SYNE2: variants seen among roughly 807,000 people sequenced by gnomAD.
SYNE2 encodes spectrin repeat containing nuclear envelope protein 2, also known as nesprin-2.
SYNE2 carries 431 observed loss-of-function variants against 856.3 expected under a neutral mutation model. The observed-to-expected ratio is 0.50, with a 90% CI of 0.47 to 0.55. The LOEUF (loss-of-function observed/expected upper bound fraction) is 0.55, where lower values mean the gene tolerates loss of function less well. Ranked by LOEUF, SYNE2 falls within the 20% of genes least tolerant of loss-of-function variation. The probability of loss-of-function intolerance (pLI) is 0.00; values close to 1 mark genes in which losing one functional copy is unlikely to be tolerated. For synonymous variants in SYNE2, 2,923 were observed against 2,872.3 expected (o/e 1.02, Z -0.56); for missense variants, 8,129 against 8,023.2 (o/e 1.01, Z -0.50).
chr14:63,974,817 TATAC>T (rs1384812526), intron 11 of SYNE2, among the ~76,000 whole-genome samples: 17 of 145,612 alleles, frequency 1.2e-4, no homozygotes, highest in East Asian at 4.0e-4. Context: ...TATATATGTA[TATAC>T]ATATGTATAT....
At chr14:64,055,813 A>T (rs1407950103) in intron 48 of SYNE2, 131 bp from the exon 49 acceptor site, 2 of 596,552 alleles carry the variant, frequency 3.4e-6, no homozygotes, top group African/African-American at 4.5e-5. Flanking sequence ...CATGTACCCT[A>T]AAACTTAAAG....
chr14:64,170,518 T>C (rs1248843444), intron 94 of SYNE2, 56 bp downstream of exon 94: 1 of 1,496,600 alleles, frequency 6.7e-7, no homozygotes, highest in African/African-American at 1.4e-5. Flanking sequence ...GTTTGCAAGA[T>C]GTTCATTCAC....
intron 2 of SYNE2, among the ~76,000 whole-genome samples, chr14:63,926,281 T>C (rs2095664987): frequency 6.8e-6 from 1 of 147,480 alleles, no homozygotes; most frequent in Non-Finnish European, 1.5e-5. Context: ...TTTCTGTCTC[T>C]ACGAATTTCC....
chr14:64,113,327 T>G lies in SYNE2; in HGVS notation c.12610-14T>G. The G allele has an allele frequency of 6.2e-7, 1 of 1,613,438 alleles. No homozygotes were observed. Among genetic ancestry groups the G allele is most frequent in the Non-Finnish European group, 8.5e-7 (1 of 1,180,018 alleles). ...AACTTTGGACTCCCTGGCTTATCTTTGGATTTCTCTTAGGGCACCACACCT... is the reference window on the plus strand; with the variant it reads ...AACTTTGGACTCCCTGGCTTATCTTGGGATTTCTCTTAGGGCACCACACCT... On this transcript the variant is annotated splice_polypyrimidine_tract_variant and intron_variant, in intron 65 of 115. Coordinates refer to ENST00000555002, the MANE Select transcript of SYNE2 (RefSeq NM_182914.3).
chr14:63,820,410 T>C (rs937440423), intron 1 of SYNE2, among the ~76,000 whole-genome samples: 6 of 152,126 alleles, frequency 3.9e-5, no homozygotes, highest in African/African-American at 1.4e-4. Flanking sequence ...TAATTAAGAA[T>C]GGATCAGAGA....
At chr14:64,182,679 C>T (rs1461717093) in intron 96 of SYNE2, among the ~76,000 whole-genome samples, 2 of 152,184 alleles carry the variant, frequency 1.3e-5, no homozygotes, top group African/African-American at 4.8e-5. Flanking sequence ...GGACACAGCA[C>T]ATGTTTCAGA....
chr14:64,169,427 T>C (rs2098399549), intron 93 of SYNE2, among the ~76,000 whole-genome samples: 1 of 152,262 alleles, frequency 6.6e-6, no homozygotes, highest in Non-Finnish European at 1.5e-5. Context: ...TATGTGGGCT[T>C]AGGGTCACTG....
At chr14:63,778,815 C>CAA (rs768300224) in intron 1 of SYNE2, among the ~76,000 whole-genome samples, 13 of 151,982 alleles carry the variant, frequency 8.6e-5, no homozygotes, top group Non-Finnish European at 1.3e-4. Context: ...GCACCTGGCC[C>CAA]ATTATTATTT....
At chr14:64,149,612 C>T (rs1421682712) in intron 84 of SYNE2, among the ~76,000 whole-genome samples, 1 of 152,112 alleles carries the variant, frequency 6.6e-6, no homozygotes, top group Non-Finnish European at 1.5e-5. Context: ...AGTTTGATGC[C>T]TCTATACTAT....
chr14:64,037,088 C>T (rs1055803495), intron 45 of SYNE2, among the ~76,000 whole-genome samples: 2 of 151,288 alleles, frequency 1.3e-5, no homozygotes, highest in Admixed American at 6.6e-5. Flanking sequence ...TAACAGAGCT[C>T]AGGGCTGGGT....
intron 70 of SYNE2, among the ~76,000 whole-genome samples, chr14:64,123,069 A>G (rs1409766970): frequency 6.6e-6 from 1 of 151,838 alleles, no homozygotes; most frequent in African/African-American, 2.4e-5. Context: ...ATTGCACTCC[A>G]GCCAGGGCAA....
At chr14:64,012,631 A>G (rs2096855518) in intron 32 of SYNE2, among the ~76,000 whole-genome samples, 1 of 152,210 alleles carries the variant, frequency 6.6e-6, no homozygotes, top group South Asian at 2.1e-4. Flanking sequence ...CAACAGTCCC[A>G]GCTTTCCTTA....
intron 1 of SYNE2, among the ~76,000 whole-genome samples, chr14:63,904,292 T>C (rs777481630): frequency 6.6e-6 from 1 of 152,180 alleles, no homozygotes; most frequent in African/African-American, 2.4e-5. Context: ...TATGAGTGCA[T>C]GTGTCTTTTT....
intron 98 of SYNE2, 121 bp from the exon 99 acceptor site, chr14:64,189,950 A>G: frequency 3.4e-6 from 4 of 1,182,926 alleles, no homozygotes; most frequent in Non-Finnish European, 3.6e-6. Context: ...GGTATGAGCC[A>G]CTATGCCTGG....
intron 99 of SYNE2, chr14:64,190,914 A>G: frequency 1.4e-6 from 1 of 699,814 alleles, no homozygotes; most frequent in Non-Finnish European, 2.6e-6. Flanking sequence ...CCCTCTCTAA[A>G]GACAAACTCC....
At chr14:64,159,242 A>G (rs181012316) in intron 86 of SYNE2, 70 bp from the exon 87 acceptor site, 1 of 1,603,866 alleles carries the variant, frequency 6.2e-7, no homozygotes, top group Non-Finnish European at 8.5e-7. Context: ...GCAAGTGTTG[A>G]GAAGCTGCCA....
intron 46 of SYNE2, chr14:64,048,537 C>T (rs1202842352): frequency 1.2e-5 from 2 of 169,824 alleles, no homozygotes; most frequent in Non-Finnish European, 1.3e-5. Context: ...TCTGTGTTTA[C>T]ATAGTTATGT....
chr14:64,115,530 T>G (rs1462919982), intron 66 of SYNE2, among the ~76,000 whole-genome samples: 1 of 152,182 alleles, frequency 6.6e-6, no homozygotes, highest in Non-Finnish European at 1.5e-5. Flanking sequence ...AGGGTTAGTC[T>G]TATCCGTGGC....
chr14:63,887,743 G>A (rs2095030289), intron 1 of SYNE2, among the ~76,000 whole-genome samples: 1 of 146,878 alleles, frequency 6.8e-6, no homozygotes, highest in Non-Finnish European at 1.5e-5. Context: ...ACTACTGTGA[G>A]TCCTGCTTTT....
Sources: gnomAD v4.1 joint callset for allele counts (sites outside exome capture counted in the v4.1 genomes callset) on GRCh38, gnomAD v4.1.1 for gene constraint, MANE v1.5 for transcripts, NCBI Gene and HGNC (gene_info 2026-07-23, HGNC 2026-07-21) for gene names.